Variants in MYO16 observed in about 807,000 individuals in gnomAD.
The protein encoded by MYO16 is unconventional myosin-XVI.
Under a neutral mutation model 205.3 loss-of-function variants are expected in MYO16, and 94 were observed. That is an observed-to-expected ratio of 0.46 (90% CI 0.39 to 0.54). The LOEUF (loss-of-function observed/expected upper bound fraction) is 0.54, where lower values mean the gene tolerates loss of function less well. Ranked by LOEUF, MYO16 falls within the 20% of genes least tolerant of loss-of-function variation. The pLI, the probability that MYO16 is intolerant of heterozygous loss-of-function variation, is 0.00. For missense variants in MYO16, 2,315 were observed against 2,387.5 expected, an observed-to-expected ratio of 0.97 and a Z score of 0.63; for synonymous variants, 988 against 954.0, an observed-to-expected ratio of 1.04 and a Z score of -0.66.
intron 20 of MYO16, among the ~76,000 whole-genome samples, chr13:108,972,237 C>A (rs1428622800): frequency 1.2e-4 from 2 of 16,298 alleles, no homozygotes; most frequent in Non-Finnish European, 2.5e-4. Flanking sequence ...CTCTCTCTCT[C>A]TCTCTCTCTC....
At chr13:108,760,799 A>G (rs572963813) in intron 4 of MYO16, among the ~76,000 whole-genome samples, 1 of 152,216 alleles carries the variant, frequency 6.6e-6, no homozygotes, top group East Asian at 1.9e-4. Flanking sequence ...CTGTTAATCA[A>G]TCGCTTTTTA....
intron 16 of MYO16, among the ~76,000 whole-genome samples, chr13:108,944,403 C>T (rs533745064): frequency 7.9e-5 from 12 of 152,266 alleles, no homozygotes; most frequent in Non-Finnish European, 1.8e-4. Context: ...TTGATAATGA[C>T]AACATTAAGA....
At chr13:108,829,077 T>C (rs1268107460) in intron 9 of MYO16, among the ~76,000 whole-genome samples, 1 of 152,170 alleles carries the variant, frequency 6.6e-6, no homozygotes, top group South Asian at 2.1e-4. Context: ...TCAAGTGGCC[T>C]GGGGACCCCC....
chr13:108,675,122 G>A (rs903188770), intron 2 of MYO16, among the ~76,000 whole-genome samples: 12 of 152,216 alleles, frequency 7.9e-5, no homozygotes, highest in African/African-American at 2.7e-4. Context: ...GCAGGAAGAA[G>A]TAGCTCAGAT....
At chr13:108,964,964 A>G (rs1162778363) in intron 20 of MYO16, 62 bp downstream of exon 20, 1 of 1,544,336 alleles carries the variant, frequency 6.5e-7, no homozygotes, top group East Asian at 2.3e-5. Flanking sequence ...TAAAGGCTCA[A>G]CTCCAAAAGC....
intron 4 of MYO16, among the ~76,000 whole-genome samples, chr13:108,774,822 A>G (rs985958638): frequency 1.3e-4 from 20 of 152,166 alleles, no homozygotes; most frequent in Non-Finnish European, 2.5e-4. Context: ...ACCAAATATC[A>G]ATATGTTCTC....
chr13:109,105,503 T>G (rs1267399980), intron 28 of MYO16, among the ~76,000 whole-genome samples: 3 of 152,158 alleles, frequency 2.0e-5, no homozygotes, highest in African/African-American at 4.8e-5. Flanking sequence ...TTTTTAAAAT[T>G]TATTGTTTTG....
At chr13:109,206,555 C>A in intron 34 of MYO16, 54 bp from the exon 35 acceptor site, 1 of 1,335,172 alleles carries the variant, frequency 7.5e-7, no homozygotes, top group Non-Finnish European at 1.1e-6. Flanking sequence ...ACACTTCATA[C>A]TCATTCACAA....
intron 28 of MYO16, among the ~76,000 whole-genome samples, chr13:109,112,777 T>G (rs1273959987): frequency 6.6e-6 from 1 of 152,168 alleles, no homozygotes; most frequent in Non-Finnish European, 1.5e-5. Flanking sequence ...ACAAATGAAA[T>G]TTTAAATATC....
chr13:108,930,607 T>C (rs938088472), intron 16 of MYO16, among the ~76,000 whole-genome samples: 1 of 152,138 alleles, frequency 6.6e-6, no homozygotes, highest in Non-Finnish European at 1.5e-5. Flanking sequence ...AAAAGGAGTA[T>C]TTCACACACA....
chr13:108,760,476 T>TGG (rs1885569998), intron 4 of MYO16, among the ~76,000 whole-genome samples: 1 of 150,844 alleles, frequency 6.6e-6, no homozygotes, highest in African/African-American at 2.5e-5. Context: ...ACTTAGGGTT[T>TGG]TTTTTTTTAT....
intron 29 of MYO16, among the ~76,000 whole-genome samples, chr13:109,122,651 C>T (rs1876046132): frequency 6.8e-6 from 1 of 148,112 alleles, no homozygotes; most frequent in Non-Finnish European, 1.5e-5. Flanking sequence ...CATGCCATTG[C>T]ACTCCAGCCT....
intron 1 of MYO16, among the ~76,000 whole-genome samples, chr13:108,661,616 C>T (rs985708939): frequency 1.3e-5 from 2 of 152,110 alleles, no homozygotes; most frequent in African/African-American, 4.8e-5. Context: ...AAAAGCATGT[C>T]CAAAGTTTCC....
intron 4 of MYO16, among the ~76,000 whole-genome samples, chr13:108,770,033 G>A (rs1420706869): frequency 6.6e-6 from 1 of 152,052 alleles, no homozygotes; most frequent in Non-Finnish European, 1.5e-5. Context: ...AAGTGAATTG[G>A]TATATAAATG....
At chr13:109,096,465 G>A (rs1325538381) in intron 27 of MYO16, among the ~76,000 whole-genome samples, 1 of 152,208 alleles carries the variant, frequency 6.6e-6, no homozygotes, top group African/African-American at 2.4e-5. Flanking sequence ...GGGGGACACA[G>A]TTCAGCCCAT....
At chr13:109,077,370 A>G in intron 27 of MYO16, among the ~76,000 whole-genome samples, 1 of 152,124 alleles carries the variant, frequency 6.6e-6, no homozygotes. Flanking sequence ...ACTGAGCTGA[A>G]GGTACAGAGA....
At chr13:108,848,231 A>G (rs998033824) in intron 10 of MYO16, among the ~76,000 whole-genome samples, 3 of 152,204 alleles carry the variant, frequency 2.0e-5, no homozygotes, top group East Asian at 1.9e-4. Context: ...CCAGAGCAGT[A>G]GTCTTCTACT....
chr13:109,122,318 AC>A (rs1326224866), intron 29 of MYO16, among the ~76,000 whole-genome samples: 2 of 145,996 alleles, frequency 1.4e-5, no homozygotes, highest in Admixed American at 1.4e-4. Context: ...TACCCTATTG[AC>A]CTGGAACAGA....
rs9555509 is a variant in MYO16 at position 108,798,699 on chromosome 13, T to A, written c.741+5059T>A. On this transcript the variant is annotated intron_variant, in intron 6 of 34. Coordinates refer to ENST00000457511, the MANE Select transcript of MYO16 (RefSeq NM_001198950.3). ...TGGCCCCGAGGCTTATTTTTTTTTT[T>A]TTTTTTTTTTTTTTTTTGAGATGGA... Among the ~76,000 whole-genome samples, 732 of 106,770 alleles carry A rather than the reference T, an allele frequency of 6.9e-3. 2 individuals are homozygous for A. The highest frequency in any genetic ancestry group is 0.011 in the Non-Finnish European group (595 of 53,280). 70.0% of individuals were successfully genotyped at this position (106,770 alleles called of 152,430 possible).
Sources: allele counts gnomAD v4.1 joint callset (sites outside exome capture counted in the v4.1 genomes callset), GRCh38; gene constraint gnomAD v4.1.1; transcripts MANE v1.5; gene names NCBI Gene and HGNC (gene_info 2026-07-23, HGNC 2026-07-21).